MAP3K20: variants seen among roughly 807,000 people sequenced by gnomAD.
The protein encoded by MAP3K20 is HCCS-4.
MAP3K20 carries 40 observed loss-of-function variants against 85.7 expected under a neutral mutation model. The observed-to-expected ratio is 0.47, with a 90% CI of 0.36 to 0.61. MAP3K20 has a LOEUF of 0.61. MAP3K20 is among the 20% of genes least tolerant of loss of function. The pLI is 0.00. For synonymous variants in MAP3K20, 325 were observed against 327.7 expected, an observed-to-expected ratio of 0.99 and a Z score of 0.09; for missense variants, 817 against 961.7, an observed-to-expected ratio of 0.85 and a Z score of 1.99.
chr2:173,216,217 T>C (rs574057318), intron 10 of MAP3K20, among the ~76,000 whole-genome samples: 125 of 152,366 alleles, frequency 8.2e-4, no homozygotes, highest in Non-Finnish European at 1.6e-3. Context: ...TGCTGAGCCA[T>C]GGTACCAGTT....
intron 16 of MAP3K20, among the ~76,000 whole-genome samples, chr2:173,247,874 C>A (rs73974112): frequency 0.16 from 24,842 of 152,000 alleles, 3,321 homozygotes; most frequent in African/African-American, 0.36. Flanking sequence ...TTCCCAGACA[C>A]GGCTTTACTG....
intron 1 of MAP3K20, among the ~76,000 whole-genome samples, chr2:173,081,688 G>A (rs1687018749): frequency 1.3e-5 from 2 of 152,158 alleles, no homozygotes; most frequent in Admixed American, 1.3e-4. Flanking sequence ...ACCCAGTTTG[G>A]GAGGAGAAAT....
At chr2:173,246,044 A>G (rs1684905166) in intron 16 of MAP3K20, among the ~76,000 whole-genome samples, 1 of 152,220 alleles carries the variant, frequency 6.6e-6, no homozygotes, top group Non-Finnish European at 1.5e-5. Flanking sequence ...TGCTAGGGAT[A>G]ATTATTATTC....
chr2:173,226,040 G>C, intron 11 of MAP3K20: 1 of 985,412 alleles, frequency 1.0e-6, no homozygotes, highest in Non-Finnish European at 1.2e-6. Flanking sequence ...AAAAGACGTT[G>C]AAAGCCTACA....
At chr2:173,234,917 T>C (rs1199359578) in intron 14 of MAP3K20, among the ~76,000 whole-genome samples, 1 of 151,660 alleles carries the variant, frequency 6.6e-6, no homozygotes, top group Non-Finnish European at 1.5e-5. Context: ...CAAGGCTGGG[T>C]TTTGAAAAAA....
In MAP3K20 at chr2:173,146,961, G is replaced by A. The variant is rs78536076; in HGVS notation, c.160-22844G>A. Among the ~76,000 whole-genome samples the A allele has an allele frequency of 7.8e-3, 1,188 of 152,208 alleles. 7 individuals carry two copies. Among genetic ancestry groups the A allele is most frequent in the African/African-American group, 0.012 (485 of 41,526 alleles). ...TTGCATTTCCCTAATGAATAATGAC[G>A]GTCAGCATCTTTCCTTATACTTAGT... On this transcript the variant is annotated intron_variant, in intron 2 of 19. Transcript: ENST00000375213.
chr2:173,265,004 ATG>A (rs2106359967), intron 19 of MAP3K20, among the ~76,000 whole-genome samples: 1 of 152,210 alleles, frequency 6.6e-6, no homozygotes, highest in South Asian at 2.1e-4. Flanking sequence ...AAGATGGAAA[ATG>A]TGGTTTTTAC....
At chr2:173,079,360 A>T (rs1686951736) in intron 1 of MAP3K20, among the ~76,000 whole-genome samples, 1 of 152,218 alleles carries the variant, frequency 6.6e-6, no homozygotes, top group Non-Finnish European at 1.5e-5. Context: ...GTTTGGGGCA[A>T]GTCAGTGAGT....
rs1413924416 is a variant in MAP3K20, at chr2:173,198,107, A to G, written c.664A>G (p.Asn222Asp). Reference sequence around the variant, plus strand: ...AGTAGCTTGGCTTGTAGTGGAAAAAAACGAGGTAAGACTACGTTTCTCCAT... The same window carrying G: ...AGTAGCTTGGCTTGTAGTGGAAAAAGACGAGGTAAGACTACGTTTCTCCAT... ...LQVAWLVVEK[N>D]ERLTIPSSCP... Residue 222 changes from asparagine to aspartate, a missense_variant, in exon 8 of 20, where the codon AAC becomes GAC. Asn to Asp is a conservative substitution (Grantham distance 23). Transcript: ENST00000375213. The surrounding 1 kb of genome is among the most constrained non-coding windows in gnomAD (Gnocchi z 5.8). 6.2e-7 allele frequency: 1 copy of G among 1,612,580 alleles called. No individual in the cohort carries two copies. The highest frequency in any genetic ancestry group is 1.3e-5 in the African/African-American group (1 of 74,860).
intron 16 of MAP3K20, among the ~76,000 whole-genome samples, chr2:173,249,501 A>T (rs1181662834): frequency 6.6e-6 from 1 of 152,202 alleles, no homozygotes. Context: ...TTTGAAAATC[A>T]TATTTCTTCG....
intron 2 of MAP3K20, among the ~76,000 whole-genome samples, chr2:173,096,839 G>C (rs956165020): frequency 2.6e-5 from 4 of 152,178 alleles, no homozygotes; most frequent in African/African-American, 7.2e-5. Flanking sequence ...AATAGTGTTT[G>C]CAATAGGAGA....
chr2:173,239,977 C>G (rs16861417), intron 16 of MAP3K20, among the ~76,000 whole-genome samples: 17,075 of 152,182 alleles, frequency 0.11, 1,621 homozygotes, highest in East Asian at 0.56. Flanking sequence ...TGAAAGTCTG[C>G]AAAAATTATT....
intron 2 of MAP3K20, among the ~76,000 whole-genome samples, chr2:173,125,988 T>C (rs1011663569): frequency 1.3e-5 from 2 of 152,106 alleles, no homozygotes; most frequent in African/African-American, 4.8e-5. Flanking sequence ...TTGTATGATA[T>C]ATACTCTTCC....
intron 2 of MAP3K20, among the ~76,000 whole-genome samples, chr2:173,112,281 C>A (rs1216823538): frequency 1.3e-5 from 2 of 152,018 alleles, no homozygotes; most frequent in Non-Finnish European, 2.9e-5. Context: ...TTTGCTGAAT[C>A]TTTTGTCAGT....
chr2:173,138,638 C>G (rs78088709), intron 2 of MAP3K20, among the ~76,000 whole-genome samples: 4,073 of 152,274 alleles, frequency 0.027, 180 homozygotes, highest in African/African-American at 0.092. Context: ...GCAACAGATT[C>G]AGTCCAAGGG....
chr2:173,167,815 G>T (rs1689878492), intron 2 of MAP3K20, among the ~76,000 whole-genome samples: 1 of 152,070 alleles, frequency 6.6e-6, no homozygotes, highest in African/African-American at 2.4e-5. Flanking sequence ...GTCATCCAAG[G>T]ACTCAGAATA....
Position 173,121,620 on chromosome 2 carries a change from C to G in MAP3K20, c.159+30430C>G, listed in dbSNP as rs370180758. Among the ~76,000 whole-genome samples, 80 of 152,216 alleles carry G rather than the reference C, an allele frequency of 5.3e-4. 1 individual carries two copies. In the South Asian group the frequency reaches 9.3e-3, roughly 18 times the overall value. On this transcript the variant is annotated intron_variant, in intron 2 of 19. Coordinates refer to ENST00000375213, the MANE Select transcript of MAP3K20 (RefSeq NM_016653.3). ...GCCAGGATGGTCTCAATCTCCTGAC[C>G]TCGTGATCCGCCCGCCTTGGCCTCC...
intron 16 of MAP3K20, among the ~76,000 whole-genome samples, chr2:173,247,307 C>T (rs1256897818): frequency 6.6e-6 from 1 of 151,588 alleles, no homozygotes; most frequent in African/African-American, 2.4e-5. Flanking sequence ...TCTCAGAGCA[C>T]TATAAATATC....
chr2:173,080,304 T>A (rs1429786259), intron 1 of MAP3K20, among the ~76,000 whole-genome samples: 1 of 152,254 alleles, frequency 6.6e-6, no homozygotes, highest in Non-Finnish European at 1.5e-5. Flanking sequence ...GATGTTTTAC[T>A]ACATCTCTCA....
Sources: gnomAD v4.1 joint callset for allele counts (sites outside exome capture counted in the v4.1 genomes callset) on GRCh38, gnomAD v4.1.1 for gene constraint, Gnocchi (gnomAD v3.1) non-coding constraint, MANE v1.5 for transcripts, NCBI Gene and HGNC (gene_info 2026-07-23, HGNC 2026-07-21) for gene names.